Variants in SLC24A3 observed in about 807,000 individuals in gnomAD.
SLC24A3 encodes the protein solute carrier family 24 member 3, also known as sodium/potassium/calcium exchanger 3.
SLC24A3 carries 28 observed loss-of-function variants against 75.8 expected under a neutral mutation model. The observed-to-expected ratio is 0.37, with a 90% CI of 0.27 to 0.51. The LOEUF is 0.51. Ranked by LOEUF, SLC24A3 falls within the 20% of genes least tolerant of loss-of-function variation. The pLI is 0.94. For missense variants in SLC24A3, 663 were observed against 847.8 expected, an observed-to-expected ratio of 0.78 and a Z score of 2.71; for synonymous variants, 372 against 334.1, an observed-to-expected ratio of 1.11 and a Z score of -1.24.
At chr20:19,467,415 G>A (rs1284219308) in intron 2 of SLC24A3, among the ~76,000 whole-genome samples, 2 of 152,172 alleles carry the variant, frequency 1.3e-5, no homozygotes, top group African/African-American at 2.4e-5. Flanking sequence ...AGATTTGGGG[G>A]AAATTTCAAG....
intron 2 of SLC24A3, among the ~76,000 whole-genome samples, chr20:19,335,637 T>TGA (rs2122299227): frequency 6.6e-6 from 1 of 152,290 alleles, no homozygotes; most frequent in Admixed American, 6.5e-5. Flanking sequence ...CAATTTTGCC[T>TGA]AGTCCTTTCC....
At chr20:19,675,246 A>G (rs1183806012) in intron 9 of SLC24A3, among the ~76,000 whole-genome samples, 1 of 152,214 alleles carries the variant, frequency 6.6e-6, no homozygotes, top group Admixed American at 6.5e-5. Context: ...CCTCTAAATT[A>G]GCCCATGTTT....
intron 6 of SLC24A3, among the ~76,000 whole-genome samples, chr20:19,596,402 A>G (rs1877108818): frequency 6.6e-6 from 1 of 152,224 alleles, no homozygotes; most frequent in Non-Finnish European, 1.5e-5. Flanking sequence ...GTATAAATTG[A>G]TTAAGCAATA....
chr20:19,539,623 C>A (rs766129083), intron 3 of SLC24A3, among the ~76,000 whole-genome samples: 1 of 152,140 alleles, frequency 6.6e-6, no homozygotes, highest in East Asian at 1.9e-4. Flanking sequence ...GGGGAGACAC[C>A]TTTCCTCCCC....
At chr20:19,237,971 AAG>A (rs1227439438) in intron 1 of SLC24A3, among the ~76,000 whole-genome samples, 3 of 152,182 alleles carry the variant, frequency 2.0e-5, no homozygotes, top group Non-Finnish European at 4.4e-5. Context: ...GGAAGTGACA[AAG>A]ATGGTTTTGG....
intron 7 of SLC24A3, 93 bp from the exon 8 acceptor site, chr20:19,665,771 A>G: frequency 1.4e-6 from 2 of 1,437,558 alleles, no homozygotes; most frequent in Non-Finnish European, 1.9e-6. Flanking sequence ...AACAAGGTGG[A>G]TACTGCGTGC....
chr20:19,384,537 A>G (rs1025636087), intron 2 of SLC24A3, among the ~76,000 whole-genome samples: 5 of 152,210 alleles, frequency 3.3e-5, no homozygotes, highest in Admixed American at 1.3e-4. Flanking sequence ...ATAGTATTCC[A>G]TTGTGTATAT....
intron 15 of SLC24A3, among the ~76,000 whole-genome samples, chr20:19,704,828 G>A (rs1201967116): frequency 6.6e-6 from 1 of 152,124 alleles, no homozygotes; most frequent in Non-Finnish European, 1.5e-5. Flanking sequence ...AGTAAGGTGG[G>A]CAGGGGTCAC....
At chr20:19,323,738 T>C (rs1368429502) in intron 2 of SLC24A3, among the ~76,000 whole-genome samples, 9 of 152,198 alleles carry the variant, frequency 5.9e-5, no homozygotes, top group Non-Finnish European at 1.2e-4. Flanking sequence ...AGAGAAGTGC[T>C]GGAAGCCACA....
intron 2 of SLC24A3, among the ~76,000 whole-genome samples, chr20:19,432,877 CTTT>C (rs1163366561): frequency 2.0e-5 from 3 of 152,224 alleles, no homozygotes; most frequent in East Asian, 3.9e-4. Context: ...TAACTGTCTG[CTTT>C]TTATTTTTGC....
chr20:19,492,749 A>G (rs1988226881), intron 2 of SLC24A3, among the ~76,000 whole-genome samples: 1 of 152,188 alleles, frequency 6.6e-6, no homozygotes, highest in Admixed American at 6.5e-5. Flanking sequence ...CTGTTTCATA[A>G]ATAAGTGTGG....
intron 2 of SLC24A3, among the ~76,000 whole-genome samples, chr20:19,346,274 G>A (rs1273380357): frequency 1.5e-5 from 1 of 67,752 alleles, no homozygotes; most frequent in Non-Finnish European, 2.6e-5. Flanking sequence ...TATATATGGT[G>A]TATATATATA....
At chr20:19,676,705 C>T (rs1255585844) in intron 9 of SLC24A3, among the ~76,000 whole-genome samples, 1 of 152,174 alleles carries the variant, frequency 6.6e-6, no homozygotes, top group Non-Finnish European at 1.5e-5. Context: ...ATCTGAAGGT[C>T]AAAAAGCAAT....
chr20:19,391,062 C>A (rs935275632), intron 2 of SLC24A3, among the ~76,000 whole-genome samples: 1 of 152,228 alleles, frequency 6.6e-6, no homozygotes, highest in East Asian at 1.9e-4. Context: ...GGTCTGAGAT[C>A]AGCGGCTTTG....
chr20:19,700,792 C>G (rs1472281586), intron 15 of SLC24A3, among the ~76,000 whole-genome samples: 1 of 152,158 alleles, frequency 6.6e-6, no homozygotes, highest in Non-Finnish European at 1.5e-5. Flanking sequence ...ACAGTATATT[C>G]CAAAGTGTAC....
chr20:19,507,196 A>C (rs1988473458), intron 2 of SLC24A3, among the ~76,000 whole-genome samples: 1 of 152,230 alleles, frequency 6.6e-6, no homozygotes, highest in South Asian at 2.1e-4. Context: ...TTTGTGTGCC[A>C]GGTATTTTGC....
chr20:19,276,121 C>T lies in SLC24A3; in HGVS notation c.143-4838C>T, dbSNP rs550926843. Among the ~76,000 whole-genome samples, 16 of 152,230 alleles carry T rather than the reference C, an allele frequency of 1.1e-4. No homozygotes were observed. The East Asian group carries it at 2.7e-3, about 26-fold the overall frequency. On this transcript the variant is annotated intron_variant, in intron 1 of 16. Transcript: ENST00000328041. ...GAGCAGGGAGGATAGCCAGTGTGGG[C>T]GCCTCTCCGTATCCCCTTCACCTTC...
At chr20:19,551,625 C>G (rs2030695995) in intron 3 of SLC24A3, among the ~76,000 whole-genome samples, 1 of 151,612 alleles carries the variant, frequency 6.6e-6, no homozygotes, top group Non-Finnish European at 1.5e-5. Context: ...CTAGCCTCTT[C>G]TACAGACCTC....
chr20:19,599,748 C>G (rs1049696321), intron 6 of SLC24A3, among the ~76,000 whole-genome samples: 5 of 152,156 alleles, frequency 3.3e-5, no homozygotes, highest in African/African-American at 7.2e-5. Context: ...GATGCCAATA[C>G]GCTGTGGTGC....
Sources: allele counts gnomAD v4.1 joint callset (sites outside exome capture counted in the v4.1 genomes callset), GRCh38; gene constraint gnomAD v4.1.1; transcripts MANE v1.5; gene names NCBI Gene and HGNC (gene_info 2026-07-23, HGNC 2026-07-21).